TMEFF2: variants seen among roughly 807,000 people sequenced by gnomAD.
The protein encoded by TMEFF2 is transmembrane protein with EGF like and two follistatin like domains 2, also known as tomoregulin-2.
TMEFF2 carries 28 observed loss-of-function variants against 53.8 expected under a neutral mutation model. That is an observed-to-expected ratio of 0.52 (90% CI 0.39 to 0.71). The LOEUF is 0.71. Ranked by LOEUF, TMEFF2 falls within the 30% of genes least tolerant of loss-of-function variation. TMEFF2 has a pLI of 0.00. For synonymous variants in TMEFF2, 162 were observed against 166.3 expected, an observed-to-expected ratio of 0.97 and a Z score of 0.20; for missense variants, 353 against 455.2, an observed-to-expected ratio of 0.78 and a Z score of 2.04.
chr2:192,001,299 G>T (rs1686352090), intron 5 of TMEFF2, among the ~76,000 whole-genome samples: 1 of 152,014 alleles, frequency 6.6e-6, no homozygotes, highest in Non-Finnish European at 1.5e-5. Context: ...TTAGGGCTTT[G>T]ACGGTATATC....
At chr2:191,964,348 CTTT>C in intron 7 of TMEFF2, among the ~76,000 whole-genome samples, 1 of 104,582 alleles carries the variant, frequency 9.6e-6, no homozygotes, top group Non-Finnish European at 1.8e-5. Flanking sequence ...TTCTTTCTTT[CTTT>C]CTTTCTTTCT....
chr2:192,110,445 G>GT (rs1476794528), intron 4 of TMEFF2, among the ~76,000 whole-genome samples: 10 of 152,168 alleles, frequency 6.6e-5, no homozygotes, highest in African/African-American at 2.4e-4. Context: ...AGTTTTTGTT[G>GT]TTTTTAGCTG....
intron 4 of TMEFF2, among the ~76,000 whole-genome samples, chr2:192,170,247 C>T (rs1035085417): frequency 6.6e-6 from 1 of 151,998 alleles, no homozygotes; most frequent in Non-Finnish European, 1.5e-5. Flanking sequence ...GCCACCACTA[C>T]CACTTAAATC....
chr2:191,951,119 C>T (rs1036445698), intron 9 of TMEFF2, among the ~76,000 whole-genome samples: 6 of 151,742 alleles, frequency 4.0e-5, no homozygotes, highest in Non-Finnish European at 8.8e-5. Flanking sequence ...TATGAATATA[C>T]ATACACATAT....
intron 5 of TMEFF2, among the ~76,000 whole-genome samples, chr2:192,008,503 C>T (rs1438762304): frequency 6.6e-6 from 1 of 152,170 alleles, no homozygotes; most frequent in Non-Finnish European, 1.5e-5. Flanking sequence ...TCCTCATTAG[C>T]ATCATGTGTA....
intron 4 of TMEFF2, among the ~76,000 whole-genome samples, chr2:192,122,586 T>A (rs1689582413): frequency 6.6e-6 from 1 of 152,122 alleles, no homozygotes; most frequent in Non-Finnish European, 1.5e-5. Context: ...TCGGTACTGA[T>A]CAACGGGGCA....
intron 5 of TMEFF2, among the ~76,000 whole-genome samples, chr2:192,025,573 C>T (rs1407695225): frequency 1.3e-5 from 2 of 151,980 alleles, no homozygotes; most frequent in East Asian, 1.9e-4. Context: ...AGCATATTAT[C>T]GTGGGGTATA....
chr2:192,103,055 C>T lies in TMEFF2; in HGVS notation c.440-45280G>A, dbSNP rs538059599. Among the ~76,000 whole-genome samples the T allele has an allele frequency of 1.5e-3, 226 of 152,220 alleles. 1 individual carries two copies. The highest frequency in any genetic ancestry group is 5.3e-3 in the African/African-American group (219 of 41,534). ...TAATGATGGGAATAGTGACTTCTCA[C>T]TAATTCAGACTTGGAGCTGGCTGCC... is the stretch of plus-strand genomic sequence containing the variant. On this transcript the variant is annotated intron_variant, in intron 4 of 9. Transcript: ENST00000272771.
rs115081945 is a variant in TMEFF2, at chr2:192,086,721, C to T, written c.440-28946G>A. On this transcript the variant is annotated intron_variant, in intron 4 of 9. Coordinates refer to ENST00000272771, the MANE Select transcript of TMEFF2 (RefSeq NM_016192.4). ...CCCAGGGGACAAGCAACCTTAAGTTCACACGTCTTTAATTCATTGTGGAAT... is the reference window on the plus strand; with the variant it reads ...CCCAGGGGACAAGCAACCTTAAGTTTACACGTCTTTAATTCATTGTGGAAT... 4.7e-3 allele frequency among the ~76,000 whole-genome samples: 721 copies of T among 152,220 alleles called. 3 individuals carry two copies. Among genetic ancestry groups the T allele is most frequent in the Non-Finnish European group, 8.5e-3 (578 of 68,000 alleles).
chr2:192,015,874 G>A (rs191286222), intron 5 of TMEFF2, among the ~76,000 whole-genome samples: 52 of 152,262 alleles, frequency 3.4e-4, no homozygotes, highest in Admixed American at 1.0e-3. Context: ...TCATAATACA[G>A]TGTCATAGTT....
chr2:192,134,874 G>T (rs1689960063), intron 4 of TMEFF2, among the ~76,000 whole-genome samples: 1 of 151,990 alleles, frequency 6.6e-6, no homozygotes, highest in Non-Finnish European at 1.5e-5. Flanking sequence ...ATTTTTTCAG[G>T]CTCTTAGTAT....
At chr2:192,151,275 A>G (rs1341369880) in intron 4 of TMEFF2, among the ~76,000 whole-genome samples, 2 of 151,500 alleles carry the variant, frequency 1.3e-5, no homozygotes, top group Admixed American at 1.3e-4. Flanking sequence ...AGCAGTGTGA[A>G]AACAAACTAA....
intron 4 of TMEFF2, among the ~76,000 whole-genome samples, chr2:192,075,288 TA>T (rs1559114906): frequency 3.5e-4 from 2 of 5,636 alleles, no homozygotes; most frequent in African/African-American, 8.3e-4. Context: ...AGTACTATTA[TA>T]TATATATATA....
intron 2 of TMEFF2, among the ~76,000 whole-genome samples, chr2:192,189,623 T>C (rs1194831112): frequency 1.5e-5 from 2 of 137,454 alleles, no homozygotes; most frequent in Non-Finnish European, 3.1e-5. Flanking sequence ...AAGTTTAGGA[T>C]AATATATAGG....
At chr2:192,173,774 T>C (rs762429940) in intron 4 of TMEFF2, among the ~76,000 whole-genome samples, 16 of 151,798 alleles carry the variant, frequency 1.1e-4, no homozygotes, top group Non-Finnish European at 2.4e-4. Flanking sequence ...TTCTAAATAC[T>C]AGAAACTGTA....
chr2:191,964,390 CTTTCTTTCTCTTTCTTTCTT>C (rs1559063682), intron 7 of TMEFF2, among the ~76,000 whole-genome samples: 413 of 32,880 alleles, frequency 0.013, 6 homozygotes, highest in African/African-American at 0.036. Context: ...TTCTTTCTTT[CTTTCTTTCTCTTTCTTTCTT>C]TCTTTCTTTC....
intron 4 of TMEFF2, among the ~76,000 whole-genome samples, chr2:192,144,695 A>G (rs752106880): frequency 5.3e-5 from 8 of 152,086 alleles, no homozygotes. Context: ...TTTAAATGTA[A>G]TAACAACAAG....
intron 5 of TMEFF2, among the ~76,000 whole-genome samples, chr2:192,023,074 CA>C (rs956197031): frequency 6.6e-6 from 1 of 152,042 alleles, no homozygotes; most frequent in African/African-American, 2.4e-5. Flanking sequence ...TGCCAATATG[CA>C]AGTTGTACGG....
chr2:191,950,590 T>G, intron 9 of TMEFF2, 183 bp from the exon 10 acceptor site: 1 of 849,000 alleles, frequency 1.2e-6, no homozygotes, highest in Non-Finnish European at 1.9e-6. Context: ...TGTGCAGTTG[T>G]CTTTAAATTT....
Sources: allele counts gnomAD v4.1 joint callset (sites outside exome capture counted in the v4.1 genomes callset), GRCh38; gene constraint gnomAD v4.1.1; transcripts MANE v1.5; gene names NCBI Gene and HGNC (gene_info 2026-07-23, HGNC 2026-07-21).